Variants in CYRIA observed in about 807,000 individuals in gnomAD.
CYRIA encodes CYFIP-related Rac1 interactor A.
A neutral mutation model predicts 43.9 loss-of-function variants in CYRIA; 15 were observed. That is an observed-to-expected ratio of 0.34 (90% CI 0.23 to 0.53). The LOEUF (loss-of-function observed/expected upper bound fraction) is 0.53, where lower values mean the gene tolerates loss of function less well. Ranked by LOEUF, CYRIA falls within the 20% of genes least tolerant of loss-of-function variation. The pLI is 0.94. For synonymous variants in CYRIA, 117 were observed against 136.0 expected, an observed-to-expected ratio of 0.86 and a Z score of 0.97; for missense variants, 236 against 394.2, an observed-to-expected ratio of 0.60 and a Z score of 3.40.
intron 3 of CYRIA, among the ~76,000 whole-genome samples, chr2:16,584,581 G>T (rs1667659944): frequency 6.6e-6 from 1 of 152,172 alleles, no homozygotes; most frequent in South Asian, 2.1e-4. Context: ...AAGCCCCAGT[G>T]CTGGACATCT....
intron 3 of CYRIA, among the ~76,000 whole-genome samples, chr2:16,578,449 C>G (rs756583425): frequency 1.8e-4 from 28 of 152,132 alleles, no homozygotes; most frequent in Non-Finnish European, 3.7e-4. Context: ...AATGTACAGA[C>G]GAGGATCCTA....
At chr2:16,619,436 C>T (rs1199209206) in intron 2 of CYRIA, among the ~76,000 whole-genome samples, 1 of 151,986 alleles carries the variant, frequency 6.6e-6, no homozygotes, top group Admixed American at 6.6e-5. Flanking sequence ...AGAGTTCCAC[C>T]CCAAGAGTTC....
rs922754648 is a variant in CYRIA at position 16,550,886 on chromosome 2, A to G, written c.*2050T>C. 1 of 152,166 alleles carries G rather than the reference A, an allele frequency of 6.6e-6. No individual in the cohort carries two copies. The highest frequency in any genetic ancestry group is 1.5e-5 in the Non-Finnish European group (1 of 68,008). The allele number at this position is 152,166 out of a possible 1,614,324, so 9.4% of individuals were successfully genotyped here. A position where few individuals can be genotyped will look rare whatever the true frequency, so the allele number is the denominator to read the frequency against. On this transcript the variant is annotated 3_prime_UTR_variant, in exon 12 of 12. Coordinates refer to ENST00000381323, the MANE Select transcript of CYRIA (RefSeq NM_030797.4). ...TTCTAGCCTAGACAATTGTTGCTCA[A>G]GTGTAACATGTGACTGCCAAATAGG...
chr2:16,575,306 T>C (rs1667293355), intron 3 of CYRIA, among the ~76,000 whole-genome samples: 2 of 152,038 alleles, frequency 1.3e-5, no homozygotes, highest in Admixed American at 1.3e-4. Flanking sequence ...GACTTTTGAG[T>C]TAATGCTGAA....
intron 1 of CYRIA, among the ~76,000 whole-genome samples, chr2:16,647,093 C>T (rs1301333905): frequency 6.6e-6 from 1 of 152,210 alleles, no homozygotes; most frequent in African/African-American, 2.4e-5. Context: ...CCGTATCTAT[C>T]TCCTATTGGT....
At chr2:16,581,331 A>C (rs1269650031) in intron 3 of CYRIA, among the ~76,000 whole-genome samples, 1 of 152,218 alleles carries the variant, frequency 6.6e-6, no homozygotes, top group African/African-American at 2.4e-5. Flanking sequence ...ACTATACAAT[A>C]AGCACATGAA....
intron 1 of CYRIA, among the ~76,000 whole-genome samples, chr2:16,631,206 C>A (rs1234496091): frequency 6.6e-6 from 1 of 152,232 alleles, no homozygotes; most frequent in East Asian, 1.9e-4. Flanking sequence ...GTTTTATCTC[C>A]ACCATTGAGT....
intron 5 of CYRIA, 120 bp from the exon 6 acceptor site, chr2:16,562,261 A>G: frequency 9.1e-7 from 1 of 1,095,944 alleles, no homozygotes; most frequent in Non-Finnish European, 1.3e-6. Flanking sequence ...TCTCCCGATA[A>G]CTACGTGAGG....
intron 1 of CYRIA, among the ~76,000 whole-genome samples, chr2:16,633,274 A>G (rs867104524): frequency 6.6e-6 from 1 of 152,024 alleles, no homozygotes; most frequent in South Asian, 2.1e-4. Flanking sequence ...GCAGAGTTTT[A>G]CTTCCTCCCT....
intron 1 of CYRIA, among the ~76,000 whole-genome samples, chr2:16,656,202 C>A (rs1423526981): frequency 1.3e-5 from 2 of 152,122 alleles, no homozygotes; most frequent in African/African-American, 4.8e-5. Flanking sequence ...TTCACCCCCA[C>A]ACACCCACTC....
chr2:16,629,810 T>A (rs911164830), intron 1 of CYRIA, among the ~76,000 whole-genome samples: 2 of 152,222 alleles, frequency 1.3e-5, no homozygotes, highest in African/African-American at 4.8e-5. Context: ...CTTATCTTCT[T>A]ACGGGTTACC....
At chr2:16,571,736 A>G (rs778833691) in intron 3 of CYRIA, among the ~76,000 whole-genome samples, 1 of 152,212 alleles carries the variant, frequency 6.6e-6, no homozygotes, top group East Asian at 1.9e-4. Context: ...AAAAAAGTAC[A>G]GCAAAATGGA....
intron 2 of CYRIA, among the ~76,000 whole-genome samples, chr2:16,593,004 T>C (rs1159813134): frequency 6.6e-6 from 1 of 152,218 alleles, no homozygotes; most frequent in Non-Finnish European, 1.5e-5. Context: ...CTGTGAGCCT[T>C]GGGTTCTTCA....
At chr2:16,638,802 A>G (rs543353677) in intron 1 of CYRIA, among the ~76,000 whole-genome samples, 31 of 110,772 alleles carry the variant, frequency 2.8e-4, no homozygotes, top group Non-Finnish European at 5.7e-4. Flanking sequence ...GTGTAGATCT[A>G]TATCTGTATC....
intron 3 of CYRIA, among the ~76,000 whole-genome samples, chr2:16,580,863 T>C (rs975946404): frequency 1.3e-5 from 2 of 152,128 alleles, no homozygotes; most frequent in Non-Finnish European, 2.9e-5. Flanking sequence ...AAAATGGACA[T>C]TAAAGCAATC....
At chr2:16,664,823 G>A (rs922114301) in intron 1 of CYRIA, among the ~76,000 whole-genome samples, 1 of 152,174 alleles carries the variant, frequency 6.6e-6, no homozygotes, top group African/African-American at 2.4e-5. Context: ...CCAGCCCCAT[G>A]ACCCTGTCTT....
chr2:16,600,480 G>A (rs1408566342), intron 2 of CYRIA, among the ~76,000 whole-genome samples: 1 of 152,100 alleles, frequency 6.6e-6, no homozygotes, highest in African/African-American at 2.4e-5. Flanking sequence ...TTACAGGTGG[G>A]GTATGCACTG....
rs1251362939 is a variant in CYRIA, at chr2:16,560,990, G to A, written c.710C>T (p.Pro237Leu). 3.7e-6 allele frequency: 6 copies of A among 1,613,318 alleles called. No homozygotes were observed. Among genetic ancestry groups the A allele is most frequent in the Non-Finnish European group, 4.2e-6 (5 of 1,179,402 alleles). Residue 237 changes from proline (P) to leucine (L), a missense_variant and splice_region_variant, in exon 9 of 12, where the codon CCG (proline) becomes CTG (leucine). By Grantham distance (98) the Pro-to-Leu change is moderately conservative. Transcript: ENST00000381323. ...TSVCKVMLETPEYRSRFTSEE... is the reference protein window; with the variant it reads ...TSVCKVMLETLEYRSRFTSEE... ...CGAATACATCTCTGATTTAACTTAC[G>A]GAGTTTCCAGCATGACTTTACAGAC...
intron 1 of CYRIA, among the ~76,000 whole-genome samples, chr2:16,640,304 G>C (rs1669635634): frequency 6.6e-6 from 1 of 152,168 alleles, no homozygotes; most frequent in Non-Finnish European, 1.5e-5. Context: ...CATAGGAATT[G>C]GGATGCTGGG....
Sources: allele counts gnomAD v4.1 joint callset (sites outside exome capture counted in the v4.1 genomes callset), GRCh38; gene constraint gnomAD v4.1.1; transcripts MANE v1.5; gene names NCBI Gene and HGNC (gene_info 2026-07-23, HGNC 2026-07-21).